Variants in TAFA2 observed in about 807,000 individuals in gnomAD.
The protein encoded by TAFA2 is TAFA chemokine like family member 2, also known as chemokine-like protein TAFA-2.
A neutral mutation model predicts 18.8 loss-of-function variants in TAFA2; 7 were observed. The ratio of observed to expected loss-of-function variants is 0.37; its 90% CI spans 0.21 to 0.70. The LOEUF is 0.70. TAFA2 is among the 30% of genes least tolerant of loss of function. The pLI is 0.53. For missense variants in TAFA2, 122 were observed against 158.1 expected (o/e 0.77, Z 1.23); for synonymous variants, 60 against 54.2 (o/e 1.11, Z -0.47).
At chr12:61,964,399 C>A (rs979901097) in intron 1 of TAFA2, among the ~76,000 whole-genome samples, 2 of 151,708 alleles carry the variant, frequency 1.3e-5, no homozygotes, top group African/African-American at 4.8e-5. Context: ...AATTATCTTC[C>A]TTCTACTGTC....
intron 2 of TAFA2, among the ~76,000 whole-genome samples, chr12:61,845,162 T>A (rs1414938631): frequency 6.6e-6 from 1 of 152,162 alleles, no homozygotes; most frequent in African/African-American, 2.4e-5. Context: ...TGAGTTGGCA[T>A]TATAAATCTC....
At chr12:62,125,589 A>G (rs1216593016) in intron 1 of TAFA2, among the ~76,000 whole-genome samples, 1 of 152,146 alleles carries the variant, frequency 6.6e-6, no homozygotes, top group African/African-American at 2.4e-5. Context: ...ACCTGTTAAT[A>G]GGGCATATTT....
chr12:61,734,069 CTGTT>C (rs1442154813), intron 4 of TAFA2, among the ~76,000 whole-genome samples: 2 of 148,798 alleles, frequency 1.3e-5, no homozygotes, highest in Non-Finnish European at 3.0e-5. Context: ...ATTTGGCTCT[CTGTT>C]TGTCTGTTAT....
At chr12:61,712,436 ATAAAAC>A in intron 4 of TAFA2, among the ~76,000 whole-genome samples, 2 of 152,298 alleles carry the variant, frequency 1.3e-5, no homozygotes, top group African/African-American at 4.8e-5. Context: ...CAAAAGGCTT[ATAAAAC>A]TAAAACAATT....
chr12:62,024,111 C>T (rs1881236867), intron 1 of TAFA2, among the ~76,000 whole-genome samples: 1 of 152,160 alleles, frequency 6.6e-6, no homozygotes, highest in Non-Finnish European at 1.5e-5. Context: ...ATATTTTCTG[C>T]ATCAGGCAGA....
At chr12:61,712,049 A>G (rs893118881) in intron 4 of TAFA2, among the ~76,000 whole-genome samples, 4 of 152,066 alleles carry the variant, frequency 2.6e-5, no homozygotes, top group African/African-American at 9.7e-5. Context: ...GGGAAGCTAT[A>G]TGTGTGTGTG....
intron 1 of TAFA2, among the ~76,000 whole-genome samples, chr12:62,209,804 T>C (rs1397254008): frequency 1.3e-5 from 2 of 152,244 alleles, no homozygotes; most frequent in African/African-American, 2.4e-5. Flanking sequence ...TACTTATCTC[T>C]TTGTTTTTGT....
chr12:61,712,437 T>C (rs1001027218), intron 4 of TAFA2, among the ~76,000 whole-genome samples: 19 of 152,120 alleles, frequency 1.2e-4, no homozygotes, highest in African/African-American at 4.6e-4. Flanking sequence ...AAAAGGCTTA[T>C]AAAACTAAAA....
intron 2 of TAFA2, among the ~76,000 whole-genome samples, chr12:61,794,715 A>C (rs1343669002): frequency 1.3e-5 from 2 of 151,742 alleles, no homozygotes; most frequent in African/African-American, 4.8e-5. Flanking sequence ...AAATGCCCCC[A>C]AAAATTGACA....
chr12:61,941,993 G>C (rs1439571111), intron 1 of TAFA2, among the ~76,000 whole-genome samples: 1 of 151,916 alleles, frequency 6.6e-6, no homozygotes, highest in African/African-American at 2.4e-5. Flanking sequence ...CTCCACCTCT[G>C]GGGGCAGGGC....
At chr12:61,934,249 G>C (rs1459423440) in intron 1 of TAFA2, among the ~76,000 whole-genome samples, 1 of 152,188 alleles carries the variant, frequency 6.6e-6, no homozygotes, top group Non-Finnish European at 1.5e-5. Flanking sequence ...GAAACCAGGG[G>C]AGTGGCCTAA....
chr12:61,929,090 C>G (rs1877435683), intron 1 of TAFA2, among the ~76,000 whole-genome samples: 1 of 151,090 alleles, frequency 6.6e-6, no homozygotes, highest in African/African-American at 2.4e-5. Context: ...CAAACCACTA[C>G]AGCACATGTA....
intron 4 of TAFA2, among the ~76,000 whole-genome samples, chr12:61,717,459 A>G: frequency 6.6e-6 from 1 of 152,236 alleles, no homozygotes; most frequent in South Asian, 2.1e-4. Flanking sequence ...TTGTATTTTC[A>G]TACCACAGCT....
At chr12:62,171,767 CA>C (rs1284236108) in intron 1 of TAFA2, among the ~76,000 whole-genome samples, 2 of 152,158 alleles carry the variant, frequency 1.3e-5, no homozygotes, top group Non-Finnish European at 2.9e-5. Flanking sequence ...TTTATTATAG[CA>C]GTCCAAATAA....
intron 1 of TAFA2, among the ~76,000 whole-genome samples, chr12:62,254,209 G>T (rs942946740): frequency 2.0e-5 from 3 of 152,082 alleles, no homozygotes; most frequent in Non-Finnish European, 4.4e-5. Context: ...TGGTCTAAGG[G>T]AGGCAAATAT....
intron 1 of TAFA2, among the ~76,000 whole-genome samples, chr12:61,895,096 C>A (rs1254017711): frequency 1.3e-5 from 2 of 152,090 alleles, no homozygotes; most frequent in African/African-American, 2.4e-5. Flanking sequence ...GCGTTATGTA[C>A]TTTCAGGGTC....
intron 4 of TAFA2, among the ~76,000 whole-genome samples, chr12:61,722,150 G>C (rs79201333): frequency 2.6e-5 from 4 of 152,014 alleles, no homozygotes; most frequent in African/African-American, 9.7e-5. Context: ...GAGGGGTTTT[G>C]GTTGTATAAG....
At chr12:61,908,823 T>C (rs1047856076) in intron 1 of TAFA2, among the ~76,000 whole-genome samples, 4 of 152,216 alleles carry the variant, frequency 2.6e-5, no homozygotes, top group Non-Finnish European at 5.9e-5. Context: ...AGGAGAACTA[T>C]ATAATATGCC....
At chr12:62,018,132 G>A (rs923458321) in intron 1 of TAFA2, among the ~76,000 whole-genome samples, 2 of 152,144 alleles carry the variant, frequency 1.3e-5, no homozygotes, top group Admixed American at 1.3e-4. Context: ...AATGAGTACT[G>A]AGCATTTATA....
Sources: allele counts gnomAD v4.1 joint callset (sites outside exome capture counted in the v4.1 genomes callset), GRCh38; gene constraint gnomAD v4.1.1; transcripts MANE v1.5; gene names NCBI Gene and HGNC (gene_info 2026-07-23, HGNC 2026-07-21).